KCNIP4: variants seen among roughly 807,000 people sequenced by gnomAD.
KCNIP4 encodes the protein potassium voltage-gated channel interacting protein 4.
Under a neutral mutation model 34.0 loss-of-function variants are expected in KCNIP4, and 12 were observed. That is an observed-to-expected ratio of 0.35 (90% CI 0.23 to 0.57). The LOEUF (loss-of-function observed/expected upper bound fraction) is 0.57, where lower values mean the gene tolerates loss of function less well. Among genes scored for constraint, KCNIP4 ranks in the 20% least tolerant of loss-of-function variants. The pLI, the probability that KCNIP4 is intolerant of heterozygous loss-of-function variation, is 0.83. For missense variants in KCNIP4, 238 were observed against 311.7 expected (o/e 0.76, Z 1.78); for synonymous variants, 124 against 102.2 (o/e 1.21, Z -1.29).
At chr4:21,713,974 A>G (rs968697507) in intron 1 of KCNIP4, among the ~76,000 whole-genome samples, 1 of 152,224 alleles carries the variant, frequency 6.6e-6, no homozygotes, top group Non-Finnish European at 1.5e-5. Flanking sequence ...AGAAGAGTCC[A>G]GCACTTCCAC....
chr4:21,855,094 A>G (rs142564349), intron 1 of KCNIP4, among the ~76,000 whole-genome samples: 1 of 152,352 alleles, frequency 6.6e-6, no homozygotes, highest in East Asian at 1.9e-4. Flanking sequence ...TCATTTAAAC[A>G]TCGTCTTTAA....
intron 2 of KCNIP4, among the ~76,000 whole-genome samples, chr4:20,857,663 C>T (rs1299719776): frequency 2.0e-5 from 3 of 148,286 alleles, no homozygotes; most frequent in Non-Finnish European, 4.5e-5. Flanking sequence ...TTATGTTCTT[C>T]CCACTTCCCA....
At chr4:21,645,484 T>C (rs1345462909) in intron 1 of KCNIP4, among the ~76,000 whole-genome samples, 1 of 152,188 alleles carries the variant, frequency 6.6e-6, no homozygotes, top group Non-Finnish European at 1.5e-5. Flanking sequence ...GCAATGAGTA[T>C]CTGAAATACT....
Position 21,698,082 on chromosome 4 carries a change from G to A in KCNIP4, c.61+250489C>T, listed in dbSNP as rs552704603. On this transcript the variant is annotated intron_variant, in intron 1 of 8. Coordinates refer to ENST00000382152, the MANE Select transcript of KCNIP4 (RefSeq NM_025221.6). ...TTCAGGAAGGCTACATGGGGGAAAGGCTCATTTGAGAAGCTGACCCTGATT... is the reference window on the plus strand; with the variant it reads ...TTCAGGAAGGCTACATGGGGGAAAGACTCATTTGAGAAGCTGACCCTGATT... Among the ~76,000 whole-genome samples, 3 of 152,240 alleles carry A rather than the reference G, an allele frequency of 2.0e-5. No homozygotes were observed. In the East Asian group the frequency reaches 5.8e-4, roughly 29 times the overall value.
At chr4:21,612,392 A>C (rs184643575) in intron 1 of KCNIP4, among the ~76,000 whole-genome samples, 1 of 152,316 alleles carries the variant, frequency 6.6e-6, no homozygotes, top group East Asian at 1.9e-4. Context: ...CTTGGAAATC[A>C]CTTGAGCCCA....
At chr4:20,810,534 G>A (rs1715618152) in intron 3 of KCNIP4, among the ~76,000 whole-genome samples, 1 of 152,070 alleles carries the variant, frequency 6.6e-6, no homozygotes, top group African/African-American at 2.4e-5. Context: ...GATGACTATA[G>A]TTGGATCTGG....
intron 1 of KCNIP4, among the ~76,000 whole-genome samples, chr4:21,158,727 G>A (rs1420930910): frequency 6.6e-6 from 1 of 151,958 alleles, no homozygotes; most frequent in Non-Finnish European, 1.5e-5. Context: ...CTAATATCAT[G>A]ATTATGAGAA....
intron 1 of KCNIP4, among the ~76,000 whole-genome samples, chr4:21,810,917 C>T (rs1452413544): frequency 6.6e-6 from 1 of 152,120 alleles, no homozygotes; most frequent in Non-Finnish European, 1.5e-5. Flanking sequence ...GTGCTCATTG[C>T]AAAATGGGGA....
intron 1 of KCNIP4, among the ~76,000 whole-genome samples, chr4:21,414,457 A>T (rs2109601021): frequency 6.6e-6 from 1 of 152,310 alleles, no homozygotes; most frequent in Middle Eastern, 3.4e-3. Context: ...GGTGTGGAGA[A>T]ATTGAAACCC....
rs79018341 is a variant in KCNIP4 at position 21,200,302 on chromosome 4, A to G, written c.62-317593T>C. ...ATGTGATGTGTGTGTGTGTGTGTGT[A>G]TATATATACATACATATATGTGTGT... is the stretch of plus-strand genomic sequence containing the variant. On this transcript the variant is annotated intron_variant, in intron 1 of 8. Transcript: ENST00000382152. Among the ~76,000 whole-genome samples the G allele has an allele frequency of 3.6e-3, 424 of 117,900 alleles. 8 individuals carry two copies. Among genetic ancestry groups the G allele is most frequent in the South Asian group, 4.7e-3 (16 of 3,418 alleles). The allele number at this position is 117,900 out of a possible 152,430, so 77.3% of individuals were successfully genotyped here. A position where few individuals can be genotyped will look rare whatever the true frequency, so the allele number is the denominator to read the frequency against.
intron 1 of KCNIP4, among the ~76,000 whole-genome samples, chr4:21,068,748 C>T (rs1302316740): frequency 6.6e-6 from 1 of 152,118 alleles, no homozygotes; most frequent in African/African-American, 2.4e-5. Flanking sequence ...TAGTACTTGC[C>T]ACCATAAAAT....
chr4:21,381,488 A>G (rs1721500038), intron 1 of KCNIP4, among the ~76,000 whole-genome samples: 1 of 152,192 alleles, frequency 6.6e-6, no homozygotes, highest in Non-Finnish European at 1.5e-5. Context: ...CATAGAAAAG[A>G]TATGTAGCAT....
intron 1 of KCNIP4, among the ~76,000 whole-genome samples, chr4:21,834,007 G>C (rs955526018): frequency 1.3e-5 from 2 of 152,068 alleles, no homozygotes; most frequent in African/African-American, 4.8e-5. Flanking sequence ...TTGTAGTATA[G>C]TTTGAAGTCA....
At chr4:20,890,045 C>T (rs74604819) in intron 1 of KCNIP4, among the ~76,000 whole-genome samples, 2,571 of 152,200 alleles carry the variant, frequency 0.017, 70 homozygotes, top group African/African-American at 0.059. Context: ...TAACCATCTG[C>T]ATCTATTATA....
intron 1 of KCNIP4, among the ~76,000 whole-genome samples, chr4:21,670,774 G>C (rs1369363485): frequency 2.0e-5 from 3 of 151,950 alleles, no homozygotes; most frequent in Non-Finnish European, 4.4e-5. Flanking sequence ...TCCTGCCTCA[G>C]CCTCCCGAGT....
At chr4:20,785,401 C>G (rs985277754) in intron 3 of KCNIP4, among the ~76,000 whole-genome samples, 2 of 149,804 alleles carry the variant, frequency 1.3e-5, no homozygotes, top group Non-Finnish European at 2.9e-5. Flanking sequence ...TGATGACCCA[C>G]TTGCTTCTCA....
At chr4:21,223,147 AG>A (rs1758102719) in intron 1 of KCNIP4, among the ~76,000 whole-genome samples, 1 of 152,140 alleles carries the variant, frequency 6.6e-6, no homozygotes, top group Non-Finnish European at 1.5e-5. Context: ...GACAAATCAC[AG>A]GGGTCCTTAT....
intron 1 of KCNIP4, among the ~76,000 whole-genome samples, chr4:21,415,066 T>C (rs1010530106): frequency 1.3e-5 from 2 of 152,176 alleles, no homozygotes; most frequent in African/African-American, 2.4e-5. Context: ...TACCTAACTA[T>C]ATTTTTGTAC....
At chr4:21,600,937 C>T (rs1743075027) in intron 1 of KCNIP4, among the ~76,000 whole-genome samples, 1 of 152,020 alleles carries the variant, frequency 6.6e-6, no homozygotes, top group African/African-American at 2.4e-5. Context: ...AATCCAATAT[C>T]ACCAACACAA....
Sources: allele counts gnomAD v4.1 joint callset (sites outside exome capture counted in the v4.1 genomes callset), GRCh38; gene constraint gnomAD v4.1.1; transcripts MANE v1.5; gene names NCBI Gene and HGNC (gene_info 2026-07-23, HGNC 2026-07-21).